Variants in CSMD3 observed in about 807,000 individuals in gnomAD.
CSMD3 encodes the protein CUB and Sushi multiple domains 3.
Under a neutral mutation model 435.2 loss-of-function variants are expected in CSMD3, and 177 were observed. The observed-to-expected ratio is 0.41, with a 90% CI of 0.36 to 0.46. The LOEUF (loss-of-function observed/expected upper bound fraction) is 0.46. Ranked by LOEUF, CSMD3 falls within the 20% of genes least tolerant of loss-of-function variation. The pLI, the probability that CSMD3 is intolerant of heterozygous loss-of-function variation, is 0.34. For missense variants in CSMD3, 4,265 were observed against 4,504.6 expected (o/e 0.95, Z 1.52); for synonymous variants, 1,656 against 1,520.5 (o/e 1.09, Z -2.07).
intron 13 of CSMD3, among the ~76,000 whole-genome samples, chr8:112,737,501 T>C (rs1036258623): frequency 6.6e-6 from 1 of 151,922 alleles, no homozygotes; most frequent in Non-Finnish European, 1.5e-5. Context: ...GTTGTTGGTA[T>C]GGAAGTTTTA....
At chr8:112,361,981 C>T (rs1019140763) in intron 38 of CSMD3, among the ~76,000 whole-genome samples, 2 of 151,762 alleles carry the variant, frequency 1.3e-5, no homozygotes, top group Non-Finnish European at 2.9e-5. Context: ...TTGATACTAC[C>T]TTTAAGGGTT....
At chr8:112,287,479 C>T (rs1254772540) in intron 57 of CSMD3, among the ~76,000 whole-genome samples, 4 of 151,796 alleles carry the variant, frequency 2.6e-5, no homozygotes, top group South Asian at 4.1e-4. Flanking sequence ...AATTTGGAGA[C>T]GTTAAATAGG....
At chr8:113,278,782 T>A (rs1384332682) in intron 2 of CSMD3, 78 bp from the exon 3 acceptor site, 17 of 740,058 alleles carry the variant, frequency 2.3e-5, no homozygotes, top group Admixed American at 3.9e-5. Context: ...AAGTCATATT[T>A]AAAAAAAATA....
chr8:112,371,692 A>C (rs1236642501), intron 38 of CSMD3, among the ~76,000 whole-genome samples: 2 of 152,120 alleles, frequency 1.3e-5, no homozygotes, highest in African/African-American at 4.8e-5. Flanking sequence ...GTTCGAGAAC[A>C]GCCTGACCTA....
chr8:113,234,738 G>C (rs999074646), intron 3 of CSMD3, among the ~76,000 whole-genome samples: 2 of 152,094 alleles, frequency 1.3e-5, no homozygotes, highest in Non-Finnish European at 2.9e-5. Flanking sequence ...AGCAAGTAAT[G>C]CCTGAGTTCA....
intron 22 of CSMD3, among the ~76,000 whole-genome samples, chr8:112,607,081 C>A (rs944283130): frequency 6.9e-6 from 1 of 145,774 alleles, no homozygotes; most frequent in African/African-American, 2.5e-5. Context: ...TAGAAAAGAT[C>A]AACAAACCAA....
At chr8:112,586,306 A>C (rs1389508240) in intron 23 of CSMD3, among the ~76,000 whole-genome samples, 1 of 151,464 alleles carries the variant, frequency 6.6e-6, no homozygotes, top group Non-Finnish European at 1.5e-5. Flanking sequence ...AATTAGAAAA[A>C]AGCTACATAA....
At chr8:112,504,544 A>G (rs1822311898) in intron 29 of CSMD3, among the ~76,000 whole-genome samples, 1 of 152,102 alleles carries the variant, frequency 6.6e-6, no homozygotes, top group African/African-American at 2.4e-5. Context: ...AGCTTTGCAC[A>G]TTGTATTAGG....
At chr8:113,336,961 G>T (rs903230399) in intron 1 of CSMD3, among the ~76,000 whole-genome samples, 1 of 152,070 alleles carries the variant, frequency 6.6e-6, no homozygotes, top group African/African-American at 2.4e-5. Flanking sequence ...TTTTGCTGTG[G>T]ATAAGGGTGG....
At chr8:112,622,136 G>A (rs745713550) in intron 22 of CSMD3, among the ~76,000 whole-genome samples, 2 of 152,074 alleles carry the variant, frequency 1.3e-5, no homozygotes, top group Admixed American at 1.3e-4. Context: ...TCCAGGAATT[G>A]GGATCTTATT....
rs566897386 is a variant in CSMD3, at chr8:112,863,701, A to G, written c.1634-4435T>C. Among the ~76,000 whole-genome samples the G allele has an allele frequency of 1.8e-3, 271 of 152,208 alleles. 2 individuals carry two copies. The highest frequency in any genetic ancestry group is 3.1e-3 in the Non-Finnish European group (210 of 67,978). ...CTGTATTCAATTTTATTGAGTTCAA[A>G]CATTATTTTGATACAAATTTGCCTC... On this transcript the variant is annotated intron_variant, in intron 10 of 70. Transcript: ENST00000297405.
chr8:113,154,323 AC>A (rs1267284281), intron 4 of CSMD3, among the ~76,000 whole-genome samples: 21 of 152,018 alleles, frequency 1.4e-4, no homozygotes, highest in Non-Finnish European at 2.6e-4. Flanking sequence ...TGTTTTGGTC[AC>A]TGAAATTTAT....
intron 24 of CSMD3, among the ~76,000 whole-genome samples, chr8:112,563,290 GA>G (rs1473953422): frequency 2.0e-5 from 3 of 151,786 alleles, no homozygotes; most frequent in African/African-American, 7.2e-5. Context: ...AATGCTTTAA[GA>G]AGACAATCCC....
chr8:112,585,988 A>G (rs1469750116), intron 23 of CSMD3, among the ~76,000 whole-genome samples: 2 of 151,676 alleles, frequency 1.3e-5, no homozygotes, highest in African/African-American at 4.8e-5. Context: ...TTGGAGAAAA[A>G]TGCAGAAAAT....
chr8:113,351,350 G>A (rs2094189053), intron 1 of CSMD3, among the ~76,000 whole-genome samples: 2 of 152,010 alleles, frequency 1.3e-5, no homozygotes, highest in African/African-American at 4.8e-5. Flanking sequence ...ATATATCTTG[G>A]AAAAAGGCAA....
intron 2 of CSMD3, among the ~76,000 whole-genome samples, chr8:113,303,809 C>T (rs1259787373): frequency 7.1e-6 from 1 of 140,712 alleles, no homozygotes; most frequent in Non-Finnish European, 1.5e-5. Context: ...CATAAAAACC[C>T]TAGAAGAAAA....
At chr8:112,823,356 G>T (rs1013677252) in intron 12 of CSMD3, among the ~76,000 whole-genome samples, 1 of 152,046 alleles carries the variant, frequency 6.6e-6, no homozygotes, top group Non-Finnish European at 1.5e-5. Flanking sequence ...TACTGGTTTA[G>T]TCTTGGGAGG....
intron 4 of CSMD3, among the ~76,000 whole-genome samples, chr8:113,172,852 T>C (rs895525121): frequency 6.6e-6 from 1 of 152,162 alleles, no homozygotes; most frequent in Non-Finnish European, 1.5e-5. Flanking sequence ...GGAAACACAA[T>C]GTTGGCCTCC....
chr8:113,382,656 T>C (rs1193798991), intron 1 of CSMD3, among the ~76,000 whole-genome samples: 1 of 152,092 alleles, frequency 6.6e-6, no homozygotes, highest in East Asian at 1.9e-4. Flanking sequence ...CTATTAAGCA[T>C]ATGGTTACTA....
Sources: allele counts gnomAD v4.1 joint callset (sites outside exome capture counted in the v4.1 genomes callset), GRCh38; gene constraint gnomAD v4.1.1; transcripts MANE v1.5; gene names NCBI Gene and HGNC (gene_info 2026-07-23, HGNC 2026-07-21).